The following KANSL1L variants were observed in gnomAD, a reference collection of about 807,000 sequenced individuals.
The protein encoded by KANSL1L is KAT8 regulatory NSL complex subunit 1-like protein.
KANSL1L carries 25 observed loss-of-function variants against 108.6 expected under a neutral mutation model. The ratio of observed to expected loss-of-function variants is 0.23; its 90% CI spans 0.17 to 0.32. The LOEUF (loss-of-function observed/expected upper bound fraction) is 0.32, where lower values mean the gene tolerates loss of function less well. Among genes scored for constraint, KANSL1L ranks in the 10% least tolerant of loss-of-function variants. The pLI, the probability that KANSL1L is intolerant of heterozygous loss-of-function variation, is 1.00. For missense variants in KANSL1L, 1,137 were observed against 1,125.7 expected, an observed-to-expected ratio of 1.01 and a Z score of -0.14; for synonymous variants, 405 against 395.1, an observed-to-expected ratio of 1.03 and a Z score of -0.30.
chr2:210,067,158 G>A (rs2094472463), intron 6 of KANSL1L, among the ~76,000 whole-genome samples: 1 of 152,076 alleles, frequency 6.6e-6, no homozygotes, highest in Non-Finnish European at 1.5e-5. Context: ...TCCTCCCCCT[G>A]GTTCTAGGGC....
chr2:210,026,856 C>T (rs779899118), intron 12 of KANSL1L, among the ~76,000 whole-genome samples: 7 of 152,154 alleles, frequency 4.6e-5, no homozygotes, highest in South Asian at 2.1e-4. Flanking sequence ...TTGCAAGCTC[C>T]GCCTCCCGGG....
chr2:210,076,316 A>C (rs2094541894), intron 5 of KANSL1L, among the ~76,000 whole-genome samples: 1 of 151,950 alleles, frequency 6.6e-6, no homozygotes. Context: ...CAAGTATCTA[A>C]GATTATAGGC....
intron 5 of KANSL1L, among the ~76,000 whole-genome samples, chr2:210,096,131 C>A (rs2125400728): frequency 6.6e-6 from 1 of 152,224 alleles, no homozygotes; most frequent in African/African-American, 2.4e-5. Context: ...AGACAGTATT[C>A]AGTAGCTGAT....
rs531844465 is a variant in KANSL1L at position 210,123,870 on chromosome 2, T to C, written c.1230+5161A>G. Among the ~76,000 whole-genome samples, 225 of 152,130 alleles carry C rather than the reference T, an allele frequency of 1.5e-3. 1 individual carries two copies. The highest frequency in any genetic ancestry group is 2.6e-3 in the Admixed American group (39 of 15,276). Reference sequence around the variant, plus strand: ...AGCACAAGGAGACAGTATTAGAGCTTGACCCTCCAGTCTCCTTGTCAGTCA... The same window carrying C: ...AGCACAAGGAGACAGTATTAGAGCTCGACCCTCCAGTCTCCTTGTCAGTCA... On this transcript the variant is annotated intron_variant, in intron 3 of 14. Transcript: ENST00000281772.
chr2:210,052,127 T>C (rs1407489586), intron 6 of KANSL1L, among the ~76,000 whole-genome samples: 1 of 151,414 alleles, frequency 6.6e-6, no homozygotes, highest in Non-Finnish European at 1.5e-5. Flanking sequence ...CCTTATCCTC[T>C]AGAGTAGCTG....
At chr2:210,046,519 G>A (rs1484094886) in intron 6 of KANSL1L, among the ~76,000 whole-genome samples, 1 of 152,100 alleles carries the variant, frequency 6.6e-6, no homozygotes, top group Admixed American at 6.6e-5. Flanking sequence ...TAAAGGAATA[G>A]GAAAGAAGAA....
At chr2:210,034,717 A>G (rs2094076727) in intron 8 of KANSL1L, among the ~76,000 whole-genome samples, 1 of 152,224 alleles carries the variant, frequency 6.6e-6, no homozygotes, top group African/African-American at 2.4e-5. Context: ...ACATAAGATC[A>G]TATTGACAAC....
At chr2:210,040,383 A>C (rs2094151549) in intron 8 of KANSL1L, 37 bp downstream of exon 8, 1 of 906,492 alleles carries the variant, frequency 1.1e-6, no homozygotes, top group Non-Finnish European at 1.8e-6. Flanking sequence ...AGACATAAAA[A>C]GGCATATAGA....
chr2:210,129,987 T>C (rs1368590642), intron 2 of KANSL1L, among the ~76,000 whole-genome samples: 2 of 70,332 alleles, frequency 2.8e-5, no homozygotes, highest in East Asian at 1.0e-3. Context: ...GAGATGCAGA[T>C]TGCAAAAAAA....
intron 6 of KANSL1L, among the ~76,000 whole-genome samples, chr2:210,050,817 T>C (rs879720435): frequency 4.6e-5 from 7 of 152,030 alleles, no homozygotes; most frequent in Non-Finnish European, 7.4e-5. Context: ...AGAACTGTGA[T>C]TGTACCACAC....
Position 210,027,368 on chromosome 2 carries a change from C to T in KANSL1L, c.2397-18G>A, listed in dbSNP as rs1575353896. ...TCCTCCAGCTGTTGAAGATAAAAACCAATTTTAAACAGCTTTTATTTATTT... is the reference window on the plus strand; with the variant it reads ...TCCTCCAGCTGTTGAAGATAAAAACTAATTTTAAACAGCTTTTATTTATTT... On this transcript the variant is annotated intron_variant, in intron 11 of 14. Coordinates refer to ENST00000281772, the MANE Select transcript of KANSL1L (RefSeq NM_152519.4). 9.5e-6 allele frequency: 15 copies of T among 1,575,694 alleles called. No individual in the cohort carries two copies. In the East Asian group the frequency reaches 3.4e-4, roughly 35 times the overall value.
chr2:210,079,610 G>A (rs1404972505), intron 5 of KANSL1L, among the ~76,000 whole-genome samples: 1 of 30,042 alleles, frequency 3.3e-5, no homozygotes, highest in Non-Finnish European at 5.8e-5. Context: ...AAATATGTAT[G>A]TGTATATATA....
intron 5 of KANSL1L, among the ~76,000 whole-genome samples, chr2:210,083,407 T>C (rs1396200817): frequency 1.3e-5 from 2 of 152,172 alleles, no homozygotes; most frequent in African/African-American, 4.8e-5. Context: ...CCTTTTCCAG[T>C]TGGAAGTCCT....
At chr2:210,030,387 C>CT (rs564432813) in intron 9 of KANSL1L, among the ~76,000 whole-genome samples, 270 of 151,588 alleles carry the variant, frequency 1.8e-3, no homozygotes, top group African/African-American at 6.0e-3. Flanking sequence ...CTCTGGTACT[C>CT]TTTTTTTAAA....
chr2:210,028,978 C>G lies in KANSL1L; in HGVS notation c.2272-9G>C. The G allele has an allele frequency of 6.2e-7, 1 of 1,605,806 alleles. No homozygotes were observed. Among genetic ancestry groups the G allele is most frequent in the Non-Finnish European group, 8.5e-7 (1 of 1,175,362 alleles). The stretch of plus-strand genomic sequence containing the variant: ...CTCCGTCGTGCAGTATTCTGCAAAA[C>G]AGGATTACAGTAGATTTACAGTACT... On this transcript the variant is annotated splice_polypyrimidine_tract_variant and intron_variant, in intron 10 of 14. Coordinates refer to ENST00000281772, the MANE Select transcript of KANSL1L (RefSeq NM_152519.4).
chr2:210,139,105 A>C (rs2095203312), intron 2 of KANSL1L, among the ~76,000 whole-genome samples: 1 of 152,034 alleles, frequency 6.6e-6, no homozygotes, highest in Non-Finnish European at 1.5e-5. Context: ...TCTCAAAACA[A>C]AACAAAACAA....
intron 5 of KANSL1L, among the ~76,000 whole-genome samples, chr2:210,082,413 A>T (rs770473909): frequency 2.0e-5 from 3 of 152,242 alleles, no homozygotes; most frequent in Non-Finnish European, 4.4e-5. Context: ...AAATTCAAAG[A>T]TCTTCAGCAT....
At chr2:210,065,401 G>A (rs2125292854) in intron 6 of KANSL1L, among the ~76,000 whole-genome samples, 1 of 149,972 alleles carries the variant, frequency 6.7e-6, no homozygotes, top group Middle Eastern at 3.5e-3. Context: ...CTCATTTCCA[G>A]CTACTCCACA....
At chr2:210,049,058 T>G (rs2094258360) in intron 6 of KANSL1L, among the ~76,000 whole-genome samples, 2 of 152,246 alleles carry the variant, frequency 1.3e-5, no homozygotes, top group African/African-American at 4.8e-5. Flanking sequence ...TAGATCTGAG[T>G]TCTAGTTCAC....
Sources: gnomAD v4.1 joint callset for allele counts (sites outside exome capture counted in the v4.1 genomes callset) on GRCh38, gnomAD v4.1.1 for gene constraint, MANE v1.5 for transcripts, NCBI Gene and HGNC (gene_info 2026-07-23, HGNC 2026-07-21) for gene names.